The following OSBP variants were observed in gnomAD, a reference collection of about 807,000 sequenced individuals.
The protein encoded by OSBP is oxysterol-binding protein 1.
Under a neutral mutation model 96.6 loss-of-function variants are expected in OSBP, and 32 were observed. The ratio of observed to expected loss-of-function variants is 0.33; its 90% CI spans 0.25 to 0.45. The LOEUF (loss-of-function observed/expected upper bound fraction) is 0.45, where lower values mean the gene tolerates loss of function less well. Among genes scored for constraint, OSBP ranks in the 20% least tolerant of loss-of-function variants. The pLI, the probability that OSBP is intolerant of heterozygous loss-of-function variation, is 1.00. For synonymous variants in OSBP, 369 were observed against 389.6 expected, an observed-to-expected ratio of 0.95 and a Z score of 0.62; for missense variants, 653 against 1,029.7, an observed-to-expected ratio of 0.63 and a Z score of 5.01.
chr11:59,608,739 A>G lies in OSBP; in HGVS notation c.572-5T>C. On this transcript the variant is annotated splice_polypyrimidine_tract_variant and splice_region_variant and intron_variant, in intron 2 of 13. Transcript: ENST00000263847. ...ACTCTTCATCTCCTGATTCATCTGT[A>G]GGAATGAAAAGAAAGGTTATATGAT... 3 of 1,614,010 alleles carry G rather than the reference A, an allele frequency of 1.9e-6. No homozygotes were observed. The highest frequency in any genetic ancestry group is 2.5e-6 in the Non-Finnish European group (3 of 1,179,866).
At chr11:59,613,834 T>A (rs1465777764) in intron 1 of OSBP, among the ~76,000 whole-genome samples, 1 of 152,188 alleles carries the variant, frequency 6.6e-6, no homozygotes, top group Non-Finnish European at 1.5e-5. Context: ...CAGGTAAAAA[T>A]GTGTTCCTGC....
rs1173933535 is a variant in OSBP, at chr11:59,601,715, T to C, written c.946A>G (p.Asn316Asp). Residue 316 changes from asparagine to aspartate, a missense_variant, in exon 4 of 14, where the codon AAT becomes GAT. By Grantham distance (23) the Asn-to-Asp change is conservative (BLOSUM62 1). Transcript: ENST00000263847. Reference sequence around the variant, plus strand: ...CCTCGGAAGGCCCTCTCCAGGTGATTATGCTGCTTCGCCAGCTGCTCGAGG... The same window carrying C: ...CCTCGGAAGGCCCTCTCCAGGTGATCATGCTGCTTCGCCAGCTGCTCGAGG... ...ETLEQLAKQH[N>D]HLERAFRGAT... 1.2e-6 allele frequency: 2 copies of C among 1,613,958 alleles called. No individual in the cohort carries two copies. Among genetic ancestry groups the C allele is most frequent in the African/African-American group, 1.3e-5 (1 of 74,930 alleles).
Position 59,576,474 on chromosome 11 carries a change from A to C in OSBP, c.*103T>G. Reference sequence around the variant, plus strand: ...AAAAAATGATTGGTCAAGAGAGACAAACTTGAGGAAAGCACTTGGTAAGAG... The same window carrying C: ...AAAAAATGATTGGTCAAGAGAGACACACTTGAGGAAAGCACTTGGTAAGAG... On this transcript the variant is annotated 3_prime_UTR_variant, in exon 14 of 14. Transcript: ENST00000263847. The C allele has an allele frequency of 7.7e-7, 1 of 1,302,446 alleles. No homozygotes were observed. Among genetic ancestry groups the C allele is most frequent in the Non-Finnish European group, 1.1e-6 (1 of 943,180 alleles). 80.7% of individuals were successfully genotyped at this position (1,302,446 alleles called of 1,614,324 possible).
intron 3 of OSBP, among the ~76,000 whole-genome samples, chr11:59,607,306 C>G (rs919159987): frequency 6.6e-6 from 1 of 152,198 alleles, no homozygotes; most frequent in Non-Finnish European, 1.5e-5. Context: ...GACCAGACAT[C>G]AGAAACACAA....
In OSBP at chr11:59,594,150, G is replaced by A. The variant is rs201345633; in HGVS notation, c.1417C>T (p.Leu473Phe). 1.9e-6 allele frequency: 3 copies of A among 1,614,140 alleles called. No individual in the cohort carries two copies. The highest frequency in any genetic ancestry group is 1.7e-4 in the Middle Eastern group (1 of 6,060). ...ACGGTGAAAGCTGCAACATAACAGA[G>A]CTGTTCTAGAGAATTCTCACATTTT... Reference protein sequence around the residue: ...AAKCENSLEQLCYVAAFTVSS... With the variant: ...AAKCENSLEQFCYVAAFTVSS... Residue 473 changes from leucine (L) to phenylalanine (F), a missense_variant, in exon 8 of 14, where the codon CTC (leucine) becomes TTC (phenylalanine). By Grantham distance (22) the Leu-to-Phe change is conservative. Transcript: ENST00000263847.
intron 9 of OSBP, among the ~76,000 whole-genome samples, chr11:59,584,963 A>C (rs1860476062): frequency 6.6e-6 from 1 of 152,216 alleles, no homozygotes; most frequent in Non-Finnish European, 1.5e-5. Context: ...GCTGGAGTGC[A>C]GTGGCGTGAT....
At chr11:59,586,251 C>T (rs1420993722) in intron 9 of OSBP, among the ~76,000 whole-genome samples, 1 of 145,830 alleles carries the variant, frequency 6.9e-6, no homozygotes, top group Non-Finnish European at 1.5e-5. Context: ...AGTCAACACA[C>T]AAAAATTAGG....
At chr11:59,591,412 C>T (rs1860578548) in intron 9 of OSBP, among the ~76,000 whole-genome samples, 1 of 152,148 alleles carries the variant, frequency 6.6e-6, no homozygotes, top group Admixed American at 6.5e-5. Context: ...GAACACCCTG[C>T]AGATACCACA....
At chr11:59,599,344 T>C (rs1231375470) in intron 7 of OSBP, among the ~76,000 whole-genome samples, 1 of 152,250 alleles carries the variant, frequency 6.6e-6, no homozygotes, top group East Asian at 1.9e-4. Context: ...TTATGCTTCT[T>C]AGATGGTAGC....
Position 59,615,466 on chromosome 11 carries a change from C to T in OSBP, c.199G>A (p.Ala67Thr), listed in dbSNP as rs1860913736. The change falls in exon 1 of 14, where the codon GCG becomes ACG. Residue 67 changes from alanine to threonine, a missense_variant. This residue lies in a region of OSBP where 151 missense variants were observed against 146.1 expected (regional missense o/e 1.03). Coordinates refer to ENST00000263847, the MANE Select transcript of OSBP (RefSeq NM_002556.3). ...GGCGGCGCAGGGGCCGGGCCAGCCG[C>T]CGCCACTCCCCCGGCCCCCGGGCCC... ...GPGPGAGGVA[A>T]AGPAPAPPTG... 7.8e-6 allele frequency: 10 copies of T among 1,274,572 alleles called. No homozygotes were observed. Among genetic ancestry groups the T allele is most frequent in the African/African-American group, 1.6e-5 (1 of 62,888 alleles). 79.0% of individuals were successfully genotyped at this position (1,274,572 alleles called of 1,614,324 possible).
At chr11:59,590,066 T>C (rs977600519) in intron 9 of OSBP, among the ~76,000 whole-genome samples, 1 of 152,234 alleles carries the variant, frequency 6.6e-6, no homozygotes, top group Non-Finnish European at 1.5e-5. Flanking sequence ...AGAAGCATTC[T>C]TCTTTCCAAA....
chr11:59,613,074 C>T (rs1860872009), intron 1 of OSBP, among the ~76,000 whole-genome samples: 1 of 152,156 alleles, frequency 6.6e-6, no homozygotes. Flanking sequence ...GACAACTTGT[C>T]TAAATAATTC....
At chr11:59,605,819 T>G (rs987123432) in intron 3 of OSBP, among the ~76,000 whole-genome samples, 1 of 152,250 alleles carries the variant, frequency 6.6e-6, no homozygotes, top group Non-Finnish European at 1.5e-5. Context: ...TCTGCTAGTA[T>G]CATTACCATT....
intron 3 of OSBP, among the ~76,000 whole-genome samples, chr11:59,607,959 A>T (rs1161592410): frequency 1.3e-5 from 2 of 152,196 alleles, no homozygotes; most frequent in Admixed American, 1.3e-4. Context: ...CTAGTACTAT[A>T]AGGTTCTCAC....
chr11:59,607,640 A>C (rs1447649081), intron 3 of OSBP, among the ~76,000 whole-genome samples: 2 of 152,204 alleles, frequency 1.3e-5, no homozygotes, highest in Non-Finnish European at 2.9e-5. Flanking sequence ...ATGCCTTTGA[A>C]TGTTTTTATG....
chr11:59,576,931 G>T lies in OSBP; in HGVS notation c.2155C>A (p.Pro719Thr), dbSNP rs750315614. The T allele has an allele frequency of 6.2e-7, 1 of 1,614,160 alleles. No individual in the cohort carries two copies. Among genetic ancestry groups the T allele is most frequent in the East Asian group, 2.2e-5 (1 of 44,882 alleles). ...GTAPTDSRLR[P>T]DQRLMENGRW... Reference sequence around the variant, plus strand: ...CCATTTTCCATCAGTCTCTGGTCAGGTCGTAACCGGCTGTCTGTGGGGGCA... The same window carrying T: ...CCATTTTCCATCAGTCTCTGGTCAGTTCGTAACCGGCTGTCTGTGGGGGCA... Residue 719 changes from proline (P) to threonine (T), a missense_variant, in exon 13 of 14, where the codon CCT (proline) becomes ACT (threonine). Pro to Thr is a conservative substitution (Grantham distance 38). Coordinates refer to ENST00000263847, the MANE Select transcript of OSBP (RefSeq NM_002556.3).
rs376458975 is a variant in OSBP, at chr11:59,601,273, G to A, written c.1124+10C>T. 3.4e-6 allele frequency: 5 copies of A among 1,484,786 alleles called. No homozygotes were observed. The highest frequency in any genetic ancestry group is 1.1e-5 in the South Asian group (1 of 88,380). The allele number at this position is 1,484,786 out of a possible 1,614,324, so 92.0% of individuals were successfully genotyped here. On this transcript the variant is annotated intron_variant, in intron 5 of 13. Transcript: ENST00000263847. Reference sequence around the variant, plus strand: ...ATGTTTATTTGCTTCAACAATCAAGGATAACTCACTTGTGGCCCAAATTTT... The same window carrying A: ...ATGTTTATTTGCTTCAACAATCAAGAATAACTCACTTGTGGCCCAAATTTT...
At chr11:59,605,908 G>C (rs1860775313) in intron 3 of OSBP, among the ~76,000 whole-genome samples, 1 of 152,186 alleles carries the variant, frequency 6.6e-6, no homozygotes, top group Admixed American at 6.5e-5. Context: ...AGTTGGACGG[G>C]ATGCAGGTTG....
chr11:59,611,239 A>G (rs1280726557), intron 1 of OSBP, among the ~76,000 whole-genome samples: 1 of 152,208 alleles, frequency 6.6e-6, no homozygotes, highest in Non-Finnish European at 1.5e-5. Context: ...GGTACAACTG[A>G]ATGAGTTTTG....
Sources: gnomAD v4.1 joint callset for allele counts (sites outside exome capture counted in the v4.1 genomes callset) on GRCh38, gnomAD v4.1.1 for gene constraint, gnomAD v4.1.1 regional missense constraint, MANE v1.5 for transcripts, NCBI Gene and HGNC (gene_info 2026-07-23, HGNC 2026-07-21) for gene names.